The following PCM1 variants were observed in gnomAD, a reference collection of about 807,000 sequenced individuals.
PCM1 encodes the protein pericentriolar material 1.
Under a neutral mutation model 241.9 loss-of-function variants are expected in PCM1, and 157 were observed. The observed-to-expected ratio is 0.65, with a 90% CI of 0.57 to 0.74. PCM1 has a LOEUF of 0.74. Ranked by LOEUF, PCM1 falls within the 30% of genes least tolerant of loss-of-function variation. The probability of loss-of-function intolerance (pLI) is 0.00; values close to 1 mark genes in which losing one functional copy is unlikely to be tolerated. For synonymous variants in PCM1, 1,085 were observed against 784.9 expected (o/e 1.38, Z -6.39); for missense variants, 3,478 against 2,360.1 (o/e 1.47, Z -9.81).
intron 24 of PCM1, among the ~76,000 whole-genome samples, chr8:17,983,808 A>T (rs980336462): frequency 6.6e-6 from 1 of 152,186 alleles, no homozygotes; most frequent in Non-Finnish European, 1.5e-5. Context: ...TTAGAGTTGT[A>T]AATATTTTTT....
intron 38 of PCM1, among the ~76,000 whole-genome samples, chr8:18,026,150 C>T (rs575412778): frequency 8.6e-4 from 57 of 66,104 alleles, no homozygotes; most frequent in African/African-American, 2.4e-3. Context: ...GGTGAAAGAG[C>T]GAGACTCCCT....
At chr8:18,019,017 T>A (rs75408514) in intron 36 of PCM1, among the ~76,000 whole-genome samples, 2 of 151,564 alleles carry the variant, frequency 1.3e-5, no homozygotes, top group African/African-American at 4.8e-5. Flanking sequence ...TCCTAACACT[T>A]TGTTATCTAA....
intron 29 of PCM1, among the ~76,000 whole-genome samples, chr8:17,998,179 C>G (rs149698297): frequency 1.1e-4 from 17 of 152,190 alleles, no homozygotes; most frequent in Non-Finnish European, 1.9e-4. Flanking sequence ...TATTTGGTCC[C>G]TTTGTTGAGG....
At chr8:18,009,799 G>T (rs2092194496) in intron 31 of PCM1, 55 bp downstream of exon 31, 2 of 1,087,470 alleles carry the variant, frequency 1.8e-6, no homozygotes, top group South Asian at 5.8e-5. Context: ...TACAGTTCTT[G>T]ATCATTATTA....
intron 6 of PCM1, among the ~76,000 whole-genome samples, chr8:17,944,443 A>G (rs1337191374): frequency 1.3e-5 from 2 of 152,180 alleles, no homozygotes; most frequent in South Asian, 2.1e-4. Context: ...AATAATTACT[A>G]GGAGAACCTC....
Position 18,009,739 on chromosome 8 carries a change from A to G in PCM1, c.5155A>G (p.Lys1719Glu), listed in dbSNP as rs757284458. 2.1e-6 allele frequency: 3 copies of G among 1,441,392 alleles called. No individual in the cohort carries two copies. The highest frequency in any genetic ancestry group is 4.8e-5 in the East Asian group (2 of 41,532). The allele number at this position is 1,441,392 out of a possible 1,614,324, so 89.3% of individuals were successfully genotyped here. A position where few individuals can be genotyped will look rare whatever the true frequency, so the allele number is the denominator to read the frequency against. ...AACTGGAGTGATACAATCTTGTGCCAAAGAGGTAAATAACGTTCATTTTGA... is the reference window on the plus strand; with the variant it reads ...AACTGGAGTGATACAATCTTGTGCCGAAGAGGTAAATAACGTTCATTTTGA... The part of the protein sequence containing the change: ...EATGVIQSCA[K>E]EAKRILEDHG... The change falls in exon 31 of 39, where the codon AAA becomes GAA. Residue 1719 changes from lysine (K) to glutamate (E), a missense_variant. Transcript: ENST00000325083.
At position 17,939,740 on chromosome 8, in the gene PCM1, C is replaced by T; in HGVS notation, c.662C>T (p.Ser221Phe). ...QIRDYITKAS[S>F]MREDLVEKNE... ...CGCGATTATATTACTAAAGCTAGTTCCATGCGGGAAGATCTTGTAGAGAAA... is the reference window on the plus strand; with the variant it reads ...CGCGATTATATTACTAAAGCTAGTTTCATGCGGGAAGATCTTGTAGAGAAA... The change falls in exon 6 of 39, where the codon TCC becomes TTC. Residue 221 changes from serine (S) to phenylalanine (F), a missense_variant. Transcript: ENST00000325083. 6.4e-7 allele frequency: 1 copy of T among 1,558,906 alleles called. No homozygotes were observed. Among genetic ancestry groups the T allele is most frequent in the Non-Finnish European group, 8.7e-7 (1 of 1,148,492 alleles).
chr8:18,005,301 G>C (rs1031937224), intron 29 of PCM1, among the ~76,000 whole-genome samples: 2 of 151,156 alleles, frequency 1.3e-5, no homozygotes, highest in Non-Finnish European at 2.9e-5. Context: ...ATACGTATCT[G>C]ACTCCTGCAT....
chr8:17,989,845 T>C lies in PCM1; in HGVS notation c.4411-14T>C. The C allele has an allele frequency of 6.6e-7, 1 of 1,509,094 alleles. No individual in the cohort carries two copies. The highest frequency in any genetic ancestry group is 9.0e-7 in the Non-Finnish European group (1 of 1,116,656). The allele number at this position is 1,509,094 out of a possible 1,614,324, so 93.5% of individuals were successfully genotyped here. A position where few individuals can be genotyped will look rare whatever the true frequency, so the allele number is the denominator to read the frequency against. ...GAAGTATTAGTGATTTTTGTTTGTT[T>C]TACTGTAACTTAGGAAACTTTTGAG... On this transcript the variant is annotated splice_polypyrimidine_tract_variant and intron_variant, in intron 26 of 38. Coordinates refer to ENST00000325083, the MANE Select transcript of PCM1 (RefSeq NM_006197.4).
intron 21 of PCM1, among the ~76,000 whole-genome samples, chr8:17,968,752 G>GTGTGTC (rs1193310014): frequency 7.9e-6 from 1 of 127,106 alleles, no homozygotes; most frequent in Non-Finnish European, 1.8e-5. Context: ...GTGTGTGTGT[G>GTGTGTC]TGTGTGTGTG....
chr8:17,975,845 A>C, intron 23 of PCM1, among the ~76,000 whole-genome samples: 1 of 152,154 alleles, frequency 6.6e-6, no homozygotes, highest in East Asian at 1.9e-4. Context: ...AGAATATATA[A>C]ATTATGTAAT....
At position 17,967,213 on chromosome 8, in the gene PCM1, G is replaced by GT. The variant is rs553107672; in HGVS notation, c.3412+46dup. The GT allele has an allele frequency of 2.8e-4, 395 of 1,409,848 alleles. No homozygotes were observed. In the African/African-American group the frequency reaches 4.1e-3, roughly 15 times the overall value. The allele number at this position is 1,409,848 out of a possible 1,614,324, so 87.3% of individuals were successfully genotyped here. ...AAGAGAAAATAAATAAAAGCAAAGTGTTTGGAACAACGTAATTTGTCTATT... is the reference window on the plus strand; with the variant it reads ...AAGAGAAAATAAATAAAAGCAAAGTGTTTTGGAACAACGTAATTTGTCTATT... On this transcript the variant is annotated intron_variant, in intron 21 of 38. Transcript: ENST00000325083.
intron 21 of PCM1, among the ~76,000 whole-genome samples, chr8:17,968,738 G>T (rs1363728083): frequency 8.9e-6 from 1 of 111,792 alleles, no homozygotes; most frequent in East Asian, 2.1e-4. Context: ...ATATGTGTGT[G>T]TGTGTGTGTG....
At chr8:17,961,976 A>C in intron 15 of PCM1, 58 bp from the exon 16 acceptor site, 1 of 1,499,250 alleles carries the variant, frequency 6.7e-7, no homozygotes, top group Non-Finnish European at 9.0e-7. Flanking sequence ...AACTGCTTTT[A>C]TGAAATTAAT....
At chr8:18,015,547 C>G (rs772949130) in intron 36 of PCM1, among the ~76,000 whole-genome samples, 3 of 152,048 alleles carry the variant, frequency 2.0e-5, no homozygotes, top group African/African-American at 2.4e-5. Context: ...TAATTGCAAA[C>G]CAAGCAAATA....
chr8:18,014,561 T>TAA, intron 35 of PCM1, 23 bp from the exon 36 acceptor site: 2 of 1,581,514 alleles, frequency 1.3e-6, no homozygotes, highest in Non-Finnish European at 8.6e-7. Flanking sequence ...TACACTAATG[T>TAA]TAAGACTTTC....
At chr8:18,008,466 T>C (rs959369396) in intron 30 of PCM1, among the ~76,000 whole-genome samples, 3 of 152,022 alleles carry the variant, frequency 2.0e-5, no homozygotes, top group Non-Finnish European at 4.4e-5. Flanking sequence ...GCACAGTCAG[T>C]CAATGTAATG....
At chr8:18,014,898 C>A in intron 36 of PCM1, 58 bp downstream of exon 36, 1 of 1,420,324 alleles carries the variant, frequency 7.0e-7, no homozygotes, top group Non-Finnish European at 9.5e-7. Flanking sequence ...CATATTTCTT[C>A]ATTTTCAGAT....
chr8:17,942,225 G>A (rs964200570), intron 6 of PCM1, among the ~76,000 whole-genome samples: 1 of 152,120 alleles, frequency 6.6e-6, no homozygotes, highest in African/African-American at 2.4e-5. Context: ...CTAGCACTTT[G>A]GAAGACTGAG....
Sources: allele counts gnomAD v4.1 joint callset (sites outside exome capture counted in the v4.1 genomes callset), GRCh38; gene constraint gnomAD v4.1.1; transcripts MANE v1.5; gene names NCBI Gene and HGNC (gene_info 2026-07-23, HGNC 2026-07-21).